Variants in ARID2 observed in about 807,000 individuals in gnomAD.
The protein encoded by ARID2 is AT-rich interaction domain 2, also known as AT-rich interactive domain-containing protein 2.
A neutral mutation model predicts 184.6 loss-of-function variants in ARID2; 32 were observed. The ratio of observed to expected loss-of-function variants is 0.17; its 90% confidence interval spans 0.13 to 0.23. ARID2 has a LOEUF of 0.23. Among genes scored for constraint, ARID2 ranks in the 10% least tolerant of loss-of-function variants. ARID2 has a pLI of 1.00. For missense variants in ARID2, 1,696 were observed against 2,197.6 expected (o/e 0.77, Z 4.56); for synonymous variants, 836 against 772.6 (o/e 1.08, Z -1.36).
intron 3 of ARID2, among the ~76,000 whole-genome samples, chr12:45,771,694 A>G (rs1941880842): frequency 6.8e-6 from 1 of 147,406 alleles, no homozygotes; most frequent in Non-Finnish European, 1.5e-5. Context: ...GTGTAAAACT[A>G]TATATATATA....
intron 16 of ARID2, among the ~76,000 whole-genome samples, chr12:45,888,068 G>A (rs1028644563): frequency 2.0e-5 from 3 of 151,978 alleles, no homozygotes; most frequent in South Asian, 2.1e-4. Context: ...GCTGGCGGGC[G>A]CCTGTAGTCC....
intron 3 of ARID2, among the ~76,000 whole-genome samples, chr12:45,740,228 T>C (rs1216684138): frequency 6.6e-6 from 1 of 152,228 alleles, no homozygotes; most frequent in East Asian, 1.9e-4. Flanking sequence ...ATTTTTGATA[T>C]AGTCCAGTTG....
chr12:45,788,907 A>C (rs11183202), intron 3 of ARID2, among the ~76,000 whole-genome samples: 15,538 of 152,188 alleles, frequency 0.1, 2,579 homozygotes, highest in African/African-American at 0.34. Context: ...CCTAATGTAT[A>C]AAAAGGACTT....
At chr12:45,871,941 G>A (rs558384013) in intron 16 of ARID2, among the ~76,000 whole-genome samples, 21 of 152,182 alleles carry the variant, frequency 1.4e-4, no homozygotes, top group African/African-American at 4.3e-4. Flanking sequence ...TAATGTCCAT[G>A]GGATTGGTAG....
At chr12:45,764,078 A>G (rs1292234860) in intron 3 of ARID2, among the ~76,000 whole-genome samples, 2 of 152,100 alleles carry the variant, frequency 1.3e-5, no homozygotes, top group African/African-American at 4.8e-5. Flanking sequence ...TTTCTCAACT[A>G]GTTTTTTTTT....
chr12:45,784,055 T>C (rs549820256), intron 3 of ARID2, among the ~76,000 whole-genome samples: 27 of 152,348 alleles, frequency 1.8e-4, no homozygotes, highest in African/African-American at 6.3e-4. Context: ...AGTGGCAAGA[T>C]TGTAGCTCAC....
chr12:45,838,105 C>T (rs1388422968), intron 10 of ARID2, among the ~76,000 whole-genome samples: 1 of 152,164 alleles, frequency 6.6e-6, no homozygotes, highest in East Asian at 1.9e-4. Flanking sequence ...ACTGCTATAT[C>T]TAACTTATCT....
At chr12:45,830,628 A>G (rs956099676) in intron 6 of ARID2, among the ~76,000 whole-genome samples, 3 of 152,140 alleles carry the variant, frequency 2.0e-5, no homozygotes, top group African/African-American at 7.2e-5. Flanking sequence ...TTATAGAATT[A>G]TATACTTTTT....
At chr12:45,776,345 C>T (rs1231588243) in intron 3 of ARID2, 1 of 152,366 alleles carries the variant, frequency 6.6e-6, no homozygotes, top group Non-Finnish European at 1.5e-5. Context: ...TTGTCTTGTT[C>T]TCCTTTTGTT....
intron 3 of ARID2, among the ~76,000 whole-genome samples, chr12:45,737,317 G>A (rs1941148905): frequency 6.6e-6 from 1 of 151,984 alleles, no homozygotes; most frequent in East Asian, 1.9e-4. Flanking sequence ...GGGAGAATGT[G>A]CTGGTTTTGA....
intron 16 of ARID2, among the ~76,000 whole-genome samples, chr12:45,864,893 C>G (rs1237609109): frequency 6.6e-6 from 1 of 152,088 alleles, no homozygotes; most frequent in Non-Finnish European, 1.5e-5. Context: ...CCTTATTTAC[C>G]AGTTTTCAAA....
chr12:45,833,955 C>T (rs556822814), intron 6 of ARID2, among the ~76,000 whole-genome samples: 3 of 152,156 alleles, frequency 2.0e-5, no homozygotes, highest in Non-Finnish European at 4.4e-5. Flanking sequence ...ATATTCTAGC[C>T]TCCTTAGCTT....
At chr12:45,887,278 CTG>C (rs1354783192) in intron 16 of ARID2, among the ~76,000 whole-genome samples, 12 of 152,048 alleles carry the variant, frequency 7.9e-5, no homozygotes, top group Admixed American at 7.9e-4. Flanking sequence ...TCGCCAGTGA[CTG>C]AGAGAAAAGT....
At chr12:45,844,708 C>T (rs1352778693) in intron 11 of ARID2, among the ~76,000 whole-genome samples, 3 of 152,200 alleles carry the variant, frequency 2.0e-5, no homozygotes, top group Non-Finnish European at 4.4e-5. Context: ...TGCACATAAT[C>T]TAATCCTTAT....
At chr12:45,760,501 G>C (rs1326329757) in intron 3 of ARID2, among the ~76,000 whole-genome samples, 1 of 151,156 alleles carries the variant, frequency 6.6e-6, no homozygotes. Flanking sequence ...GTGTTTTTTT[G>C]GTGTTTTTGT....
chr12:45,730,189 G>A (rs1261860822), intron 2 of ARID2, 52 bp downstream of exon 2: 1 of 1,592,334 alleles, frequency 6.3e-7, no homozygotes, highest in Non-Finnish European at 8.6e-7. Flanking sequence ...CCTCCAAAAA[G>A]TCTCCTTTGA....
At chr12:45,879,308 C>T (rs879916789) in intron 16 of ARID2, among the ~76,000 whole-genome samples, 8 of 152,030 alleles carry the variant, frequency 5.3e-5, no homozygotes, top group Non-Finnish European at 1.0e-4. Context: ...ATGAGACAGA[C>T]CTTTGTAAGG....
intron 3 of ARID2, among the ~76,000 whole-genome samples, chr12:45,743,068 A>T (rs995567628): frequency 2.6e-5 from 4 of 151,908 alleles, no homozygotes; most frequent in Non-Finnish European, 1.5e-5. Context: ...AAAGAGATTG[A>T]GTTGGCTGGG....
intron 16 of ARID2, chr12:45,881,328 C>A: frequency 6.0e-6 from 1 of 167,604 alleles, no homozygotes. Flanking sequence ...TCTGTGTGCC[C>A]CTTGTCCATG....
Sources: gnomAD v4.1 joint callset for allele counts (sites outside exome capture counted in the v4.1 genomes callset) on GRCh38, gnomAD v4.1.1 for gene constraint, MANE v1.5 for transcripts, NCBI Gene and HGNC (gene_info 2026-07-23, HGNC 2026-07-21) for gene names.